PKIB: variants seen among roughly 807,000 people sequenced by gnomAD.
PKIB encodes the protein PKI-beta.
PKIB carries 2 observed loss-of-function variants against 4.5 expected under a neutral mutation model. The observed-to-expected ratio is 0.44, with a 90% CI of 0.18 to 1.39. The LOEUF (loss-of-function observed/expected upper bound fraction) is 1.39, where lower values mean the gene tolerates loss of function less well. PKIB is among the 40% of genes most tolerant of loss of function. The probability of loss-of-function intolerance (pLI) is 0.27; values close to 1 mark genes in which losing one functional copy is unlikely to be tolerated. For synonymous variants in PKIB, 38 were observed against 36.0 expected (o/e 1.06, Z -0.20); for missense variants, 94 against 92.6 (o/e 1.02, Z -0.06).
In PKIB at chr6:122,725,160, G is replaced by A; in HGVS notation, c.202G>A (p.Asp68Asn). 1 of 1,611,378 alleles carries A rather than the reference G, an allele frequency of 6.2e-7. No individual in the cohort carries two copies. ...AGAGAAAGATGAAAAAACAACACAA[G>A]ACCAATTGGAAAAGCCTCAAAATGA... ...AKEKDEKTTQ[D>N]QLEKPQNEEK is the part of the protein sequence containing the mutation. The change falls in exon 5 of 5, where the codon GAC (aspartate) becomes AAC (asparagine). Residue 68 changes from aspartate (D) to asparagine (N), a missense_variant. Asp to Asn is a conservative substitution (Grantham distance 23). Coordinates refer to ENST00000368452, the MANE Select transcript of PKIB (RefSeq NM_181795.3).
intron 1 of PKIB, among the ~76,000 whole-genome samples, chr6:122,612,037 A>C (rs144291722): frequency 5.3e-5 from 8 of 152,220 alleles, no homozygotes; most frequent in African/African-American, 1.9e-4. Flanking sequence ...ATAAAATATC[A>C]AAGACTAATG....
At chr6:122,612,792 T>G (rs1774816287) in intron 1 of PKIB, among the ~76,000 whole-genome samples, 1 of 152,190 alleles carries the variant, frequency 6.6e-6, no homozygotes, top group Admixed American at 6.5e-5. Context: ...TTTTCATTTC[T>G]CTTGGGTAGA....
intron 2 of PKIB, among the ~76,000 whole-genome samples, chr6:122,666,414 T>C (rs1301483221): frequency 6.6e-6 from 1 of 151,656 alleles, no homozygotes; most frequent in Non-Finnish European, 1.5e-5. Context: ...AAATATAATA[T>C]CTACTTCAAA....
chr6:122,698,627 G>A (rs4401696), intron 3 of PKIB, among the ~76,000 whole-genome samples: 150,478 of 152,266 alleles, frequency 0.99, 74,378 homozygotes, highest in South Asian at 1. Flanking sequence ...GGAGGCATGA[G>A]ATGAGGTCGC....
At chr6:122,620,314 T>C (rs1775171959) in intron 1 of PKIB, among the ~76,000 whole-genome samples, 1 of 152,212 alleles carries the variant, frequency 6.6e-6, no homozygotes, top group Non-Finnish European at 1.5e-5. Flanking sequence ...GACCTCTCAC[T>C]TACCATGTGG....
intron 1 of PKIB, among the ~76,000 whole-genome samples, chr6:122,626,645 T>A (rs949508295): frequency 3.3e-5 from 5 of 152,208 alleles, no homozygotes; most frequent in African/African-American, 9.6e-5. Flanking sequence ...TGAAGCAGAA[T>A]GTTTTTTGTG....
At chr6:122,525,942 C>A (rs1267422181) in intron 2 of PKIB, among the ~76,000 whole-genome samples, 1 of 152,120 alleles carries the variant, frequency 6.6e-6, no homozygotes, top group African/African-American at 2.4e-5. Context: ...AAATTGAAGT[C>A]AAATCTCTGC....
intron 2 of PKIB, among the ~76,000 whole-genome samples, chr6:122,506,656 A>C (rs1420158117): frequency 6.6e-6 from 1 of 150,676 alleles, no homozygotes; most frequent in East Asian, 2.0e-4. Flanking sequence ...ACGATTTTAT[A>C]GGAATTATTT....
chr6:122,666,590 C>T (rs1230467227), intron 2 of PKIB, among the ~76,000 whole-genome samples: 4 of 152,110 alleles, frequency 2.6e-5, no homozygotes, highest in African/African-American at 7.2e-5. Flanking sequence ...CCCTCATGGG[C>T]GCATTTCTGT....
chr6:122,497,643 G>A (rs1272850137), intron 2 of PKIB, among the ~76,000 whole-genome samples: 1 of 152,104 alleles, frequency 6.6e-6, no homozygotes, highest in African/African-American at 2.4e-5. Flanking sequence ...ATGATAAAGG[G>A]TTTAATTGAA....
intron 3 of PKIB, among the ~76,000 whole-genome samples, chr6:122,714,838 G>A (rs1779414637): frequency 6.6e-6 from 1 of 152,182 alleles, no homozygotes; most frequent in South Asian, 2.1e-4. Flanking sequence ...CTGGAGTGCA[G>A]TGGCGCAGTC....
chr6:122,583,620 A>G (rs1402789288), intron 2 of PKIB, among the ~76,000 whole-genome samples: 1 of 152,214 alleles, frequency 6.6e-6, no homozygotes, highest in South Asian at 2.1e-4. Context: ...ATACGCACAT[A>G]TACATTTTGT....
At position 122,715,077 on chromosome 6, in the gene PKIB, G is replaced by A. The variant is rs1337388537; in HGVS notation, c.-8-2710G>A. On this transcript the variant is annotated intron_variant, in intron 3 of 4. Transcript: ENST00000368452. ...TGGGATTACAGGCATGAGCCACCAC[G>A]CTGAGCCAAAAAAAAAAATATTTAA... 1.0e-3 allele frequency among the ~76,000 whole-genome samples: 152 copies of A among 149,798 alleles called. 1 individual carries two copies. Among genetic ancestry groups the A allele is most frequent in the Non-Finnish European group, 4.4e-4 (30 of 67,618 alleles).
intron 2 of PKIB, chr6:122,478,403 A>T (rs1258873450): frequency 6.6e-6 from 1 of 152,188 alleles, no homozygotes; most frequent in Non-Finnish European, 1.5e-5. Context: ...TCCGCCATGG[A>T]GAAAGCATTC....
chr6:122,645,785 G>A (rs1446564983), intron 2 of PKIB, among the ~76,000 whole-genome samples: 1 of 152,202 alleles, frequency 6.6e-6, no homozygotes, highest in Non-Finnish European at 1.5e-5. Flanking sequence ...ATGTGGATTG[G>A]AAGGATACTG....
intron 2 of PKIB, among the ~76,000 whole-genome samples, chr6:122,509,180 G>A (rs1295753935): frequency 6.6e-6 from 1 of 152,128 alleles, no homozygotes; most frequent in Non-Finnish European, 1.5e-5. Flanking sequence ...AGTAAAAACA[G>A]TTACAGTTCC....
At chr6:122,554,799 A>G (rs1293180283) in intron 2 of PKIB, among the ~76,000 whole-genome samples, 1 of 152,216 alleles carries the variant, frequency 6.6e-6, no homozygotes, top group Admixed American at 6.5e-5. Context: ...TGAATTGAAC[A>G]TGAAATACTA....
At chr6:122,654,922 T>C (rs1776707842) in intron 2 of PKIB, among the ~76,000 whole-genome samples, 1 of 152,216 alleles carries the variant, frequency 6.6e-6, no homozygotes, top group Non-Finnish European at 1.5e-5. Context: ...AAATTACTTT[T>C]GGCCTTCATG....
At chr6:122,668,425 A>G (rs866295903) in intron 2 of PKIB, among the ~76,000 whole-genome samples, 2 of 152,208 alleles carry the variant, frequency 1.3e-5, no homozygotes, top group African/African-American at 2.4e-5. Context: ...GTGAATTAGT[A>G]TGATCGACTT....
Sources: gnomAD v4.1 joint callset for allele counts (sites outside exome capture counted in the v4.1 genomes callset) on GRCh38, gnomAD v4.1.1 for gene constraint, MANE v1.5 for transcripts, NCBI Gene and HGNC (gene_info 2026-07-23, HGNC 2026-07-21) for gene names.